Variants in SPATS1 observed in about 807,000 individuals in gnomAD.
SPATS1 encodes spermatogenesis-associated serine-rich protein 1.
A neutral mutation model predicts 33.6 loss-of-function variants in SPATS1; 23 were observed. The ratio of observed to expected loss-of-function variants is 0.68; its 90% CI spans 0.49 to 0.97. The LOEUF (loss-of-function observed/expected upper bound fraction) is 0.97. Among genes scored for constraint, SPATS1 ranks in the 50% least tolerant of loss-of-function variants. The pLI, the probability that SPATS1 is intolerant of heterozygous loss-of-function variation, is 0.00. For missense variants in SPATS1, 327 were observed against 361.0 expected (o/e 0.91, Z 0.76); for synonymous variants, 131 against 125.6 (o/e 1.04, Z -0.29).
At chr6:44,368,928 G>A (rs1789412307) in intron 6 of SPATS1, among the ~76,000 whole-genome samples, 1 of 144,148 alleles carries the variant, frequency 6.9e-6, no homozygotes, top group Admixed American at 7.4e-5. Flanking sequence ...ACGGAGTCTC[G>A]CTCCGTCGCC....
rs141142626 is a variant in SPATS1, at chr6:44,375,323, A to C, written c.759-1035A>C. ...ACTACTCTTGGGTCTGAGCAGCAAG[A>C]AGAGGGATCACAGTTTGCAGAACAG... On this transcript the variant is annotated intron_variant, in intron 7 of 8. Coordinates refer to ENST00000674044, the MANE Select transcript of SPATS1 (RefSeq NM_001372081.1). 5.0e-3 allele frequency among the ~76,000 whole-genome samples: 760 copies of C among 152,284 alleles called. 4 individuals carry two copies. The highest frequency in any genetic ancestry group is 0.017 in the African/African-American group (693 of 41,560).
chr6:44,362,191 C>T (rs569663684), intron 5 of SPATS1, among the ~76,000 whole-genome samples, 199 bp downstream of exon 5: 1 of 152,270 alleles, frequency 6.6e-6, no homozygotes, highest in South Asian at 2.1e-4. Context: ...AGATGCTAAT[C>T]CACATTTTCT....
In SPATS1 at chr6:44,368,367, C is replaced by A. The variant is rs368925467; in HGVS notation, c.575-12C>A. ...GCCCTTGTATGATTTTGTTTTCAAA[C>A]CTTCTCCACAGATATTGATCCCAGG... On this transcript the variant is annotated splice_polypyrimidine_tract_variant and intron_variant, in intron 5 of 8. Coordinates refer to ENST00000674044, the MANE Select transcript of SPATS1 (RefSeq NM_001372081.1). The A allele has an allele frequency of 1.2e-5, 20 of 1,610,736 alleles. No individual in the cohort carries two copies. Among genetic ancestry groups the A allele is most frequent in the East Asian group, 2.2e-5 (1 of 44,818 alleles).
chr6:44,372,545 C>T (rs2153370199), intron 7 of SPATS1, among the ~76,000 whole-genome samples: 1 of 152,082 alleles, frequency 6.6e-6, no homozygotes, highest in African/African-American at 2.4e-5. Flanking sequence ...TCACTGCAAC[C>T]TCCGCCCCTA....
chr6:44,363,673 T>G (rs1404454337), intron 5 of SPATS1, among the ~76,000 whole-genome samples: 1 of 24,880 alleles, frequency 4.0e-5, no homozygotes, highest in African/African-American at 8.0e-5. Flanking sequence ...CCTCCTTCCT[T>G]CCTTCCCTCC....
chr6:44,362,126 A>C, intron 5 of SPATS1, 134 bp downstream of exon 5: 1 of 1,098,618 alleles, frequency 9.1e-7, no homozygotes, highest in Non-Finnish European at 1.3e-6. Flanking sequence ...CCAGGAAGAC[A>C]GAAAAGTGAA....
At chr6:44,370,270 T>C (rs1789522063) in intron 7 of SPATS1, among the ~76,000 whole-genome samples, 157 bp downstream of exon 7, 1 of 152,188 alleles carries the variant, frequency 6.6e-6, no homozygotes, top group African/African-American at 2.4e-5. Flanking sequence ...GGTGTTTGGA[T>C]AGACATTCTG....
At position 44,377,207 on chromosome 6, in the gene SPATS1, T is replaced by C. The variant is rs1790016184; in HGVS notation, c.*144T>C. On this transcript the variant is annotated 3_prime_UTR_variant, in exon 9 of 9. Coordinates refer to ENST00000674044, the MANE Select transcript of SPATS1 (RefSeq NM_001372081.1). ...GCTTTGCTTTTTTAAAACTTTATATTTTGAAAACTTTCACATTTACATAAA... is the reference window on the plus strand; with the variant it reads ...GCTTTGCTTTTTTAAAACTTTATATCTTGAAAACTTTCACATTTACATAAA... 7.3e-6 allele frequency: 7 copies of C among 964,206 alleles called. No individual in the cohort carries two copies. The highest frequency in any genetic ancestry group is 1.1e-5 in the Non-Finnish European group (7 of 639,578). The allele number at this position is 964,206 out of a possible 1,614,324, so 59.7% of individuals were successfully genotyped here. A position where few individuals can be genotyped will look rare whatever the true frequency, so the allele number is the denominator to read the frequency against.
chr6:44,347,906 G>A (rs938763930), intron 2 of SPATS1, among the ~76,000 whole-genome samples: 1 of 152,082 alleles, frequency 6.6e-6, no homozygotes, highest in Non-Finnish European at 1.5e-5. Flanking sequence ...ATGTAACCCT[G>A]AACAAGTTAT....
At chr6:44,345,062 G>C (rs1583075209) in intron 2 of SPATS1, among the ~76,000 whole-genome samples, 1 of 152,104 alleles carries the variant, frequency 6.6e-6, no homozygotes, top group East Asian at 1.9e-4. Flanking sequence ...AGAGTAGCTG[G>C]ATGGTACTCT....
At chr6:44,361,195 C>A (rs1202707503) in intron 4 of SPATS1, 1 of 310,332 alleles carries the variant, frequency 3.2e-6, no homozygotes, top group Non-Finnish European at 4.7e-6. Flanking sequence ...TTCTCAAGCA[C>A]CCCTAGAGCT....
chr6:44,362,231 G>A (rs995078791), intron 5 of SPATS1, among the ~76,000 whole-genome samples: 1 of 152,190 alleles, frequency 6.6e-6, no homozygotes, highest in African/African-American at 2.4e-5. Flanking sequence ...AAATGCAAAT[G>A]TGACATTTAA....
Position 44,344,389 on chromosome 6 carries a change from ACG to A in SPATS1, c.139+1156_139+1157del, listed in dbSNP as rs1491224840. Among the ~76,000 whole-genome samples the A allele has an allele frequency of 2.5e-4, 31 of 124,716 alleles. No homozygotes were observed. In the South Asian group the frequency reaches 3.5e-3, roughly 14 times the overall value. 81.8% of individuals were successfully genotyped at this position (124,716 alleles called of 152,430 possible). A position where few individuals can be genotyped will look rare whatever the true frequency, so the allele number is the denominator to read the frequency against. ...GGGGCTCCACAAACCAATTGAAGAT[ACG>A]TGTGTGTGTGTGTGTGTGTGTGTGT... On this transcript the variant is annotated intron_variant, in intron 2 of 8. Coordinates refer to ENST00000674044, the MANE Select transcript of SPATS1 (RefSeq NM_001372081.1).
intron 2 of SPATS1, among the ~76,000 whole-genome samples, chr6:44,345,579 A>G (rs980037191): frequency 6.6e-6 from 1 of 152,230 alleles, no homozygotes; most frequent in Admixed American, 6.5e-5. Context: ...GTGGCAATAT[A>G]CAACTAAAAT....
chr6:44,367,714 A>C (rs1206937136), intron 5 of SPATS1, among the ~76,000 whole-genome samples: 1 of 152,184 alleles, frequency 6.6e-6, no homozygotes, highest in African/African-American at 2.4e-5. Context: ...TATTTATTTT[A>C]AATTTTAATT....
Position 44,361,940 on chromosome 6 carries a change from G to A in SPATS1, c.522G>A (p.Lys174=). ...TTAATGGAGTCTTCCTCGGCAACAA[G>A]AGGTCTCTATCAGAGAGGACGGTGG... ...CFFNGVFLGN[K]RSLSERTVDK... The change falls in exon 5 of 9, where the codon AAG becomes AAA. Residue 174 remains lysine, a synonymous_variant. Transcript: ENST00000674044. 6.2e-7 allele frequency: 1 copy of A among 1,614,230 alleles called. No individual in the cohort carries two copies. The highest frequency in any genetic ancestry group is 8.5e-7 in the Non-Finnish European group (1 of 1,180,040).
chr6:44,369,095 A>G (rs1170960101), intron 6 of SPATS1, among the ~76,000 whole-genome samples: 1 of 151,908 alleles, frequency 6.6e-6, no homozygotes, highest in African/African-American at 2.4e-5. Flanking sequence ...ACGGGGTTTC[A>G]CCATGTTAGC....
intron 5 of SPATS1, among the ~76,000 whole-genome samples, chr6:44,363,790 C>T (rs545097782): frequency 1.3e-5 from 2 of 151,172 alleles, no homozygotes; most frequent in East Asian, 2.0e-4. Context: ...TTTATAAATA[C>T]TGAGTAAATG....
At chr6:44,364,806 CT>C (rs1554153600) in intron 5 of SPATS1, among the ~76,000 whole-genome samples, 25 of 134,436 alleles carry the variant, frequency 1.9e-4, no homozygotes, top group East Asian at 1.0e-3. Context: ...TTCTTTCTTT[CT>C]TTTTTTTTTA....
Sources: allele counts gnomAD v4.1 joint callset (sites outside exome capture counted in the v4.1 genomes callset), GRCh38; gene constraint gnomAD v4.1.1; transcripts MANE v1.5; gene names NCBI Gene and HGNC (gene_info 2026-07-23, HGNC 2026-07-21).